Variants in CERS6 observed in about 807,000 individuals in gnomAD.
CERS6 encodes LAG1 homolog, ceramide synthase 6.
In CERS6, 26 loss-of-function variants were observed where a neutral mutation model predicts 56.8. The ratio of observed to expected loss-of-function variants is 0.46; its 90% CI spans 0.34 to 0.63. CERS6 has a LOEUF of 0.63. Ranked by LOEUF, CERS6 falls within the 30% of genes least tolerant of loss-of-function variation. The pLI is 0.01. For missense variants in CERS6, 415 were observed against 467.5 expected (o/e 0.89, Z 1.04); for synonymous variants, 164 against 173.3 (o/e 0.95, Z 0.42).
At chr2:168,482,600 A>G (rs888660985) in intron 1 of CERS6, among the ~76,000 whole-genome samples, 1 of 152,264 alleles carries the variant, frequency 6.6e-6, no homozygotes, top group Non-Finnish European at 1.5e-5. Context: ...AAGGGCTGCA[A>G]TCAGGCATCT....
chr2:168,639,817 T>C (rs1233883794), intron 4 of CERS6, among the ~76,000 whole-genome samples: 1 of 152,182 alleles, frequency 6.6e-6, no homozygotes, highest in Non-Finnish European at 1.5e-5. Flanking sequence ...GTACTGGGTC[T>C]GCTGTCAGGT....
intron 4 of CERS6, among the ~76,000 whole-genome samples, chr2:168,658,548 A>G (rs960768014): frequency 2.0e-5 from 3 of 152,250 alleles, no homozygotes; most frequent in Non-Finnish European, 4.4e-5. Flanking sequence ...CAAAGACCAT[A>G]GTCATCCCCA....
chr2:168,463,578 G>A (rs1055615613), intron 1 of CERS6, among the ~76,000 whole-genome samples: 2 of 152,042 alleles, frequency 1.3e-5, no homozygotes, highest in African/African-American at 2.4e-5. Context: ...ATACCCATTC[G>A]TATTTCCTTA....
chr2:168,705,978 G>A (rs1686930604), intron 6 of CERS6, among the ~76,000 whole-genome samples: 1 of 152,168 alleles, frequency 6.6e-6, no homozygotes, highest in South Asian at 2.1e-4. Context: ...ATTGAGCCAA[G>A]GGTAATTTAA....
chr2:168,577,077 G>T (rs1390955800), intron 3 of CERS6, among the ~76,000 whole-genome samples: 1 of 152,178 alleles, frequency 6.6e-6, no homozygotes, highest in Non-Finnish European at 1.5e-5. Flanking sequence ...TCAGGGAGGA[G>T]GTGTGGACTT....
chr2:168,571,989 G>C (rs1318331379), intron 3 of CERS6, among the ~76,000 whole-genome samples: 1 of 152,158 alleles, frequency 6.6e-6, no homozygotes, highest in East Asian at 1.9e-4. Flanking sequence ...GGGTTCAACT[G>C]TGTAGAAAAG....
intron 3 of CERS6, among the ~76,000 whole-genome samples, chr2:168,596,392 C>G (rs1683797989): frequency 6.6e-6 from 1 of 152,066 alleles, no homozygotes; most frequent in Admixed American, 6.5e-5. Flanking sequence ...GGCTTCCCAG[C>G]CTCCTTCCAG....
chr2:168,513,130 G>A (rs1694818238), intron 1 of CERS6, among the ~76,000 whole-genome samples: 1 of 152,070 alleles, frequency 6.6e-6, no homozygotes, highest in African/African-American at 2.4e-5. Context: ...ACAAGAATGA[G>A]GTCTGCTGAG....
At chr2:168,567,579 A>C (rs1376105360) in intron 3 of CERS6, among the ~76,000 whole-genome samples, 1 of 152,250 alleles carries the variant, frequency 6.6e-6, no homozygotes, top group African/African-American at 2.4e-5. Context: ...AGCTATTCTT[A>C]ACCCATGGGC....
At chr2:168,549,102 AT>A (rs1695518778) in intron 2 of CERS6, among the ~76,000 whole-genome samples, 1 of 152,144 alleles carries the variant, frequency 6.6e-6, no homozygotes, top group Admixed American at 6.5e-5. Context: ...ATTATAACAT[AT>A]TTGGAGTCTC....
Position 168,532,990 on chromosome 2 carries a change from A to G in CERS6, c.171-14606A>G, listed in dbSNP as rs146590610. Among the ~76,000 whole-genome samples, 309 of 152,356 alleles carry G rather than the reference A, an allele frequency of 2.0e-3. 4 individuals carry two copies. The highest frequency in any genetic ancestry group is 5.1e-4 in the Non-Finnish European group (35 of 68,026). ...TACCTTTAAAATAAATATAAAGTGT[A>G]TATAAGCACAAATTTAAAGTAGTAC... On this transcript the variant is annotated intron_variant, in intron 1 of 9. Transcript: ENST00000305747.
chr2:168,567,169 G>GTGGTTATTT (rs1363548855), intron 3 of CERS6, among the ~76,000 whole-genome samples: 1 of 152,164 alleles, frequency 6.6e-6, no homozygotes, highest in African/African-American at 2.4e-5. Flanking sequence ...GGTGATAGTT[G>GTGGTTATTT]TGGTTATTTT....
chr2:168,728,798 G>T (rs1024614616), intron 8 of CERS6, among the ~76,000 whole-genome samples: 1 of 151,302 alleles, frequency 6.6e-6, no homozygotes. Flanking sequence ...CTGAGGTCAG[G>T]AGTTTGAGAC....
intron 8 of CERS6, among the ~76,000 whole-genome samples, chr2:168,742,657 C>A (rs1683950154): frequency 6.6e-6 from 1 of 152,106 alleles, no homozygotes; most frequent in Non-Finnish European, 1.5e-5. Context: ...AATAAAGAGG[C>A]CAGGCAGAGG....
At chr2:168,524,390 C>T (rs751661665) in intron 1 of CERS6, among the ~76,000 whole-genome samples, 21 of 152,068 alleles carry the variant, frequency 1.4e-4, no homozygotes, top group Admixed American at 2.6e-4. Flanking sequence ...AGGAAAAAGA[C>T]GTGGTGATTG....
chr2:168,497,839 C>A (rs1352353084), intron 1 of CERS6, among the ~76,000 whole-genome samples: 1 of 152,070 alleles, frequency 6.6e-6, no homozygotes, highest in African/African-American at 2.4e-5. Context: ...TGCAGAAAAA[C>A]CAGTTAGGAG....
intron 4 of CERS6, among the ~76,000 whole-genome samples, chr2:168,656,023 T>C (rs543618286): frequency 7.2e-5 from 11 of 152,232 alleles, no homozygotes; most frequent in Non-Finnish European, 1.0e-4. Flanking sequence ...ACGGATAGTA[T>C]GCATTTTGAC....
At chr2:168,694,733 G>A (rs545824204) in intron 5 of CERS6, among the ~76,000 whole-genome samples, 1 of 152,238 alleles carries the variant, frequency 6.6e-6, no homozygotes, top group Non-Finnish European at 1.5e-5. Context: ...AAATGTTCGT[G>A]CTAATTAATG....
chr2:168,631,440 TTTATA>T (rs1244021910), intron 4 of CERS6, among the ~76,000 whole-genome samples: 1 of 130,678 alleles, frequency 7.7e-6, no homozygotes, highest in African/African-American at 2.8e-5. Flanking sequence ...TAAATATATA[TTTATA>T]TTATATATTA....
Sources: gnomAD v4.1 joint callset for allele counts (sites outside exome capture counted in the v4.1 genomes callset) on GRCh38, gnomAD v4.1.1 for gene constraint, MANE v1.5 for transcripts, NCBI Gene and HGNC (gene_info 2026-07-23, HGNC 2026-07-21) for gene names.